The following NELL1 variants were observed in gnomAD, a reference collection of about 807,000 sequenced individuals.
NELL1 encodes neural EGFL like 1.
A neutral mutation model predicts 107.4 loss-of-function variants in NELL1; 76 were observed. That is an observed-to-expected ratio of 0.71 (90% CI 0.59 to 0.86). The LOEUF is 0.86. NELL1 is among the 40% of genes least tolerant of loss of function. The pLI, the probability that NELL1 is intolerant of heterozygous loss-of-function variation, is 0.00. For missense variants in NELL1, 1,024 were observed against 1,005.5 expected (o/e 1.02, Z -0.25); for synonymous variants, 353 against 341.2 (o/e 1.03, Z -0.38).
chr11:21,555,392 A>C (rs1020167140), intron 16 of NELL1, among the ~76,000 whole-genome samples: 18 of 151,908 alleles, frequency 1.2e-4, no homozygotes, highest in Admixed American at 3.3e-4. Context: ...AGAGGGTCCC[A>C]CGGAAGCTTG....
chr11:21,222,185 TTTTG>T (rs1857774355), intron 13 of NELL1, among the ~76,000 whole-genome samples: 2 of 151,678 alleles, frequency 1.3e-5, no homozygotes, highest in South Asian at 4.1e-4. Context: ...TTTGTTTTGT[TTTTG>T]TTTGTTTTTT....
chr11:20,738,159 G>C (rs143478012), intron 2 of NELL1, among the ~76,000 whole-genome samples: 2 of 152,114 alleles, frequency 1.3e-5, no homozygotes, highest in Middle Eastern at 3.2e-3. Context: ...GGGTGTGTGC[G>C]TGTGCACAGC....
chr11:21,554,310 G>GT (rs1856656991), intron 16 of NELL1, among the ~76,000 whole-genome samples: 1 of 151,888 alleles, frequency 6.6e-6, no homozygotes, highest in African/African-American at 2.4e-5. Context: ...TTCATGGAGT[G>GT]TAAGAAAATT....
chr11:21,562,118 G>A (rs545238729), intron 17 of NELL1, among the ~76,000 whole-genome samples: 1 of 152,070 alleles, frequency 6.6e-6, no homozygotes, highest in South Asian at 2.1e-4. Flanking sequence ...TGATTAGTAT[G>A]AGAGTAAAAT....
At chr11:21,448,826 T>C (rs950757647) in intron 15 of NELL1, among the ~76,000 whole-genome samples, 1 of 152,226 alleles carries the variant, frequency 6.6e-6, no homozygotes, top group African/African-American at 2.4e-5. Flanking sequence ...TATACTCCTA[T>C]TTTATCAGAC....
intron 14 of NELL1, among the ~76,000 whole-genome samples, chr11:21,330,537 G>A (rs1393660011): frequency 6.6e-6 from 1 of 152,042 alleles, no homozygotes; most frequent in African/African-American, 2.4e-5. Flanking sequence ...CTTTGAATAT[G>A]CATGTCATCT....
chr11:20,677,830 C>T (rs1411119325), intron 1 of NELL1, 102 bp from the exon 2 acceptor site: 6 of 1,369,642 alleles, frequency 4.4e-6, no homozygotes, highest in African/African-American at 1.4e-5. Flanking sequence ...AAGCACTCAT[C>T]ATTGGCTTCC....
intron 15 of NELL1, among the ~76,000 whole-genome samples, chr11:21,443,327 T>C (rs764601901): frequency 1.6e-4 from 24 of 152,282 alleles, no homozygotes; most frequent in Middle Eastern, 3.4e-3. Flanking sequence ...CTCTGTTGCA[T>C]TGAGGATTAG....
At chr11:21,553,427 G>A (rs1222509665) in intron 16 of NELL1, among the ~76,000 whole-genome samples, 1 of 151,810 alleles carries the variant, frequency 6.6e-6, no homozygotes, top group African/African-American at 2.4e-5. Context: ...TCTAAGAAAT[G>A]CATTTGTTAT....
In NELL1 at chr11:21,251,298, A is replaced by G. The variant is rs570848313; in HGVS notation, c.1549+21844A>G. Among the ~76,000 whole-genome samples the G allele has an allele frequency of 5.9e-5, 9 of 152,246 alleles. No homozygotes were observed. In the East Asian group the frequency reaches 1.6e-3, roughly 26 times the overall value. On this transcript the variant is annotated intron_variant, in intron 14 of 19. Transcript: ENST00000357134. ...TGACTTAAGCACCCAGAGATTAGTC[A>G]CAGAATTTCTGAGGTGAGGGCATTC... is the stretch of plus-strand genomic sequence containing the variant.
intron 3 of NELL1, among the ~76,000 whole-genome samples, chr11:20,817,524 CT>C (rs1324289650): frequency 6.6e-6 from 1 of 151,882 alleles, no homozygotes; most frequent in Non-Finnish European, 1.5e-5. Flanking sequence ...TGGATCTTCT[CT>C]TTTTTTTCCT....
At chr11:21,064,579 G>A (rs1853823655) in intron 12 of NELL1, among the ~76,000 whole-genome samples, 1 of 152,106 alleles carries the variant, frequency 6.6e-6, no homozygotes, top group Non-Finnish European at 1.5e-5. Flanking sequence ...GTGTGCAATG[G>A]AAAGCTGCTG....
intron 12 of NELL1, among the ~76,000 whole-genome samples, chr11:21,091,125 G>C (rs1203522577): frequency 8.5e-5 from 13 of 152,146 alleles, no homozygotes; most frequent in Non-Finnish European, 1.8e-4. Flanking sequence ...AACATCAGGA[G>C]GTCCATTTCT....
intron 3 of NELL1, among the ~76,000 whole-genome samples, chr11:20,789,479 G>A (rs1857033531): frequency 1.3e-5 from 2 of 152,344 alleles, no homozygotes; most frequent in South Asian, 4.1e-4. Context: ...CAAAGAGGGA[G>A]TCACAGCCCT....
At chr11:21,311,728 T>C (rs1219254030) in intron 14 of NELL1, among the ~76,000 whole-genome samples, 2 of 152,200 alleles carry the variant, frequency 1.3e-5, no homozygotes, top group Non-Finnish European at 2.9e-5. Context: ...CTAGCATTTA[T>C]TGAGCACCTA....
chr11:21,413,138 T>G (rs1852421787), intron 15 of NELL1, among the ~76,000 whole-genome samples: 1 of 152,136 alleles, frequency 6.6e-6, no homozygotes, highest in Non-Finnish European at 1.5e-5. Flanking sequence ...AGGCACCTGA[T>G]ACCTTTTCTG....
chr11:20,687,274 G>A (rs1232953347), intron 2 of NELL1, among the ~76,000 whole-genome samples: 4 of 152,058 alleles, frequency 2.6e-5, no homozygotes, highest in Non-Finnish European at 5.9e-5. Context: ...CATACAATGT[G>A]TAATAATGGT....
chr11:20,784,005 C>T (rs1370596560), intron 3 of NELL1, among the ~76,000 whole-genome samples, 175 bp downstream of exon 3: 2 of 152,178 alleles, frequency 1.3e-5, no homozygotes, highest in Non-Finnish European at 2.9e-5. Context: ...GTCAAAGTGG[C>T]TTTCTTGTTT....
At chr11:21,065,354 T>C (rs574505735) in intron 12 of NELL1, among the ~76,000 whole-genome samples, 12 of 152,180 alleles carry the variant, frequency 7.9e-5, no homozygotes, top group African/African-American at 2.7e-4. Context: ...ACCTTCTGTT[T>C]CTTGTACAAC....
Sources: gnomAD v4.1 joint callset for allele counts (sites outside exome capture counted in the v4.1 genomes callset) on GRCh38, gnomAD v4.1.1 for gene constraint, MANE v1.5 for transcripts, NCBI Gene and HGNC (gene_info 2026-07-23, HGNC 2026-07-21) for gene names.